TTYH1: variants seen among roughly 807,000 people sequenced by gnomAD.
TTYH1 encodes the protein tweety family member 1, also known as protein tweety homolog 1.
TTYH1 carries 33 observed loss-of-function variants against 61.2 expected under a neutral mutation model. That is an observed-to-expected ratio of 0.54 (90% CI 0.41 to 0.72). The LOEUF is 0.72. TTYH1 is among the 30% of genes least tolerant of loss of function. TTYH1 has a pLI of 0.00. For missense variants in TTYH1, 538 were observed against 575.8 expected, an observed-to-expected ratio of 0.93 and a Z score of 0.67; for synonymous variants, 308 against 266.4, an observed-to-expected ratio of 1.16 and a Z score of -1.52.
Position 54,435,818 on chromosome 19 carries a change from C to T in TTYH1, c.1269-10C>T, listed in dbSNP as rs781574306. The stretch of plus-strand genomic sequence containing the variant: ...CCCGCCTCTCTGCCATGCCCCGCAT[C>T]AAACCCCAGTGACGACTACGATGAC... On this transcript the variant is annotated splice_polypyrimidine_tract_variant and intron_variant, in intron 11 of 13. Coordinates refer to ENST00000376530, the MANE Select transcript of TTYH1 (RefSeq NM_020659.4). 7 of 1,614,006 alleles carry T rather than the reference C, an allele frequency of 4.3e-6. No homozygotes were observed. The highest frequency in any genetic ancestry group is 5.9e-6 in the Non-Finnish European group (7 of 1,179,962).
chr19:54,428,079 GTT>G (rs936820982), intron 5 of TTYH1, among the ~76,000 whole-genome samples: 1,537 of 62,220 alleles, frequency 0.025, 1 homozygote, highest in South Asian at 0.052. Flanking sequence ...TCCCGGCTAA[GTT>G]TTTTTTTTTT....
chr19:54,422,555 G>C (rs2083240928), intron 4 of TTYH1, 145 bp downstream of exon 4: 5 of 671,124 alleles, frequency 7.5e-6, no homozygotes, highest in Non-Finnish European at 1.3e-5. Context: ...GTAGAGCCCA[G>C]GAACTGTTCA....
Position 54,421,961 on chromosome 19 carries a change from C to A in TTYH1, c.418-229C>A, listed in dbSNP as rs2083226236. Among the ~76,000 whole-genome samples the A allele has an allele frequency of 6.6e-6, 1 of 152,152 alleles. No homozygotes were observed. Among genetic ancestry groups the A allele is most frequent in the Admixed American group, 6.5e-5 (1 of 15,278 alleles). ...CTGGGGCTGGACTTACTACCCTGGGCTCAAGCTACCAACCATCCAGAGCTC... is the reference window on the plus strand; with the variant it reads ...CTGGGGCTGGACTTACTACCCTGGGATCAAGCTACCAACCATCCAGAGCTC... On this transcript the variant is annotated intron_variant, in intron 3 of 13. Coordinates refer to ENST00000376530, the MANE Select transcript of TTYH1 (RefSeq NM_020659.4). The surrounding 1 kb of genome is among the most constrained non-coding windows in gnomAD (Gnocchi z 4.8).
rs903936206 is a variant in TTYH1, at chr19:54,419,535, G to A, written c.305+229G>A. The A allele has an allele frequency of 1.4e-6, 1 of 707,124 alleles. No individual in the cohort carries two copies. The highest frequency in any genetic ancestry group is 2.0e-5 in the Admixed American group (1 of 49,820). 43.8% of individuals were successfully genotyped at this position (707,124 alleles called of 1,614,324 possible). A position where few individuals can be genotyped will look rare whatever the true frequency, so the allele number is the denominator to read the frequency against. ...CTGGAGAGGAAGTGAATCAAGGGCA[G>A]CCATCTGGTGAGAAGGCGCAGGGGC... On this transcript the variant is annotated intron_variant, in intron 2 of 13. Coordinates refer to ENST00000376530, the MANE Select transcript of TTYH1 (RefSeq NM_020659.4). This position sits in a 1 kb window ranked among gnomAD's most constrained non-coding sequence, Gnocchi z 6.1.
rs1282251173 is a variant in TTYH1 at position 54,436,641 on chromosome 19, T to C, written c.*351T>C. 5.4e-6 allele frequency: 3 copies of C among 556,932 alleles called. No homozygotes were observed. The Admixed American group carries it at 9.3e-5, about 17-fold the overall frequency. 34.5% of individuals were successfully genotyped at this position (556,932 alleles called of 1,614,324 possible). On this transcript the variant is annotated 3_prime_UTR_variant, in exon 14 of 14. Coordinates refer to ENST00000376530, the MANE Select transcript of TTYH1 (RefSeq NM_020659.4). The surrounding 1 kb of genome is among the most constrained non-coding windows in gnomAD (Gnocchi z 4.3). Reference sequence around the variant, plus strand: ...GCCCCTGCCACATCCCAGTGGGCTCTGACCCCCTGATCTCAACTCGTGGCA... The same window carrying C: ...GCCCCTGCCACATCCCAGTGGGCTCCGACCCCCTGATCTCAACTCGTGGCA...
Position 54,415,582 on chromosome 19 carries a change from A to G in TTYH1, c.30A>G (p.Ser10=). The change falls in exon 1 of 14, where the codon TCA becomes TCG. Residue 10 remains serine, a synonymous_variant. Transcript: ENST00000376530. The surrounding 1 kb of genome is among the most constrained non-coding windows in gnomAD (Gnocchi z 5.2). ...GGGCGCCCCCGGGCTACCGGCCCTC[A>G]GCTTGGGTGCATCTCCTCCACCAGC... is the stretch of plus-strand genomic sequence containing the variant. MGAPPGYRP[S]AWVHLLHQLP... is the part of the protein sequence containing the mutation. 1 of 1,515,696 alleles carries G rather than the reference A, an allele frequency of 6.6e-7. No homozygotes were observed. The highest frequency in any genetic ancestry group is 8.8e-7 in the Non-Finnish European group (1 of 1,138,724). 93.9% of individuals were successfully genotyped at this position (1,515,696 alleles called of 1,614,324 possible). A position where few individuals can be genotyped will look rare whatever the true frequency, so the allele number is the denominator to read the frequency against.
chr19:54,428,280 G>T (rs1032556316), intron 5 of TTYH1, among the ~76,000 whole-genome samples: 4 of 151,660 alleles, frequency 2.6e-5, no homozygotes, highest in African/African-American at 7.3e-5. Flanking sequence ...GTAGAGATGG[G>T]GTTTCTCCAT....
intron 10 of TTYH1, chr19:54,433,666 G>A (rs897589261): frequency 1.3e-5 from 2 of 151,398 alleles, no homozygotes; most frequent in Admixed American, 6.6e-5. Context: ...TTGAGCTCAG[G>A]AGTTCAAGAC....
chr19:54,427,986 C>A (rs2083362796), intron 5 of TTYH1, among the ~76,000 whole-genome samples: 1 of 151,672 alleles, frequency 6.6e-6, no homozygotes, highest in South Asian at 2.1e-4. Flanking sequence ...TCACGGCTCA[C>A]TACAGCCTCT....
chr19:54,435,605 C>T lies in TTYH1; in HGVS notation c.1189C>T (p.Leu397Phe), dbSNP rs2083530751. ...CCTGGAAGGCCTGCTCTTCCTGCTA[C>T]TCTTCTCCCTGCTGTCTGCAGGAGC... ...DALEGLLFLL[L>F]FSLLSAGALA... The change falls in exon 11 of 14, where the codon CTC becomes TTC. Residue 397 changes from leucine to phenylalanine, a missense_variant. By Grantham distance (22) the Leu-to-Phe change is conservative. This residue lies in a region of TTYH1 where 378 missense variants were observed against 401.2 expected (regional missense o/e 0.94). Transcript: ENST00000376530. 6.2e-7 allele frequency: 1 copy of T among 1,611,752 alleles called. No individual in the cohort carries two copies. The highest frequency in any genetic ancestry group is 2.2e-5 in the East Asian group (1 of 44,888).
chr19:54,435,549 G>C lies in TTYH1; in HGVS notation c.1133G>C (p.Gly378Ala). ...LHCRSLHKDY[G>A]AALRGLCEDA... The stretch of plus-strand genomic sequence containing the variant: ...ATGACGCCCTCCCCTCAGGACTATG[G>C]TGCAGCCCTGCGGGGCCTGTGCGAA... The change falls in exon 11 of 14, where the codon GGT (glycine) becomes GCT (alanine). Residue 378 changes from glycine (G) to alanine (A), a missense_variant. By Grantham distance (60) the Gly-to-Ala change is moderately conservative (BLOSUM62 0). Around this residue, in one of 3 missense-constraint regions of TTYH1, gnomAD observed 378 missense variants for 401.2 expected, o/e 0.94. Coordinates refer to ENST00000376530, the MANE Select transcript of TTYH1 (RefSeq NM_020659.4). 1 of 1,601,398 alleles carries C rather than the reference G, an allele frequency of 6.2e-7. No individual in the cohort carries two copies. The highest frequency in any genetic ancestry group is 8.5e-7 in the Non-Finnish European group (1 of 1,176,174).
rs2122865027 is a variant in TTYH1 at position 54,419,809 on chromosome 19, T to C, written c.305+503T>C. ...TCATTCGACAACTGTTTATTGAGTATTTACTATGTGCCAGATACTGACCAA... is the reference window on the plus strand; with the variant it reads ...TCATTCGACAACTGTTTATTGAGTACTTACTATGTGCCAGATACTGACCAA... On this transcript the variant is annotated intron_variant, in intron 2 of 13. Transcript: ENST00000376530. This position sits in a 1 kb window ranked among gnomAD's most constrained non-coding sequence, Gnocchi z 6.1. Among the ~76,000 whole-genome samples the C allele has an allele frequency of 6.6e-6, 1 of 152,268 alleles. No individual in the cohort carries two copies. The highest frequency in any genetic ancestry group is 2.4e-5 in the African/African-American group (1 of 41,532).
In TTYH1 at chr19:54,419,056, C is replaced by T; in HGVS notation, c.127-72C>T. The stretch of plus-strand genomic sequence containing the variant: ...ACATCCCAGACCCCGACCCCCCAGC[C>T]ACGCAGGAAGGGGGATCTGAGTGTG... On this transcript the variant is annotated intron_variant, in intron 1 of 13. Coordinates refer to ENST00000376530, the MANE Select transcript of TTYH1 (RefSeq NM_020659.4). This position sits in a 1 kb window ranked among gnomAD's most constrained non-coding sequence, Gnocchi z 6.1. 6.8e-7 allele frequency: 1 copy of T among 1,473,400 alleles called. No homozygotes were observed. The highest frequency in any genetic ancestry group is 9.2e-7 in the Non-Finnish European group (1 of 1,088,392). The allele number at this position is 1,473,400 out of a possible 1,614,324, so 91.3% of individuals were successfully genotyped here.
Position 54,415,719 on chromosome 19 carries a change from C to G in TTYH1, c.126+41C>G, listed in dbSNP as rs2083062609. On this transcript the variant is annotated intron_variant, in intron 1 of 13. Coordinates refer to ENST00000376530, the MANE Select transcript of TTYH1 (RefSeq NM_020659.4). The surrounding 1 kb of genome is among the most constrained non-coding windows in gnomAD (Gnocchi z 5.2). ...AGGGCCTGGGGGCCAGGGCTGGGGG[C>G]CGGAGCTCCTGGGTCCCGAGGGAGA... The G allele has an allele frequency of 1.3e-6, 2 of 1,491,418 alleles. No individual in the cohort carries two copies. The highest frequency in any genetic ancestry group is 1.8e-6 in the Non-Finnish European group (2 of 1,121,234). The allele number at this position is 1,491,418 out of a possible 1,614,324, so 92.4% of individuals were successfully genotyped here.
chr19:54,436,314 T>C lies in TTYH1; in HGVS notation c.*43-19T>C. 6.2e-7 allele frequency: 1 copy of C among 1,614,012 alleles called. No individual in the cohort carries two copies. The highest frequency in any genetic ancestry group is 8.5e-7 in the Non-Finnish European group (1 of 1,179,994). On this transcript the variant is annotated intron_variant, in intron 13 of 13. Coordinates refer to ENST00000376530, the MANE Select transcript of TTYH1 (RefSeq NM_020659.4). The surrounding 1 kb of genome is among the most constrained non-coding windows in gnomAD (Gnocchi z 4.3). ...CCCTCCAGCCTGCATCACTGCCCTGTCTCTCCCTCTCTCCGCAGTTCCTTC... is the reference window on the plus strand; with the variant it reads ...CCCTCCAGCCTGCATCACTGCCCTGCCTCTCCCTCTCTCCGCAGTTCCTTC...
rs191643169 is a variant in TTYH1, at chr19:54,415,789, G to C, written c.126+111G>C. Reference sequence around the variant, plus strand: ...TTCCTGAGCTCCGCCGGAGGCTGGGGGCCGGCCCGGACTTTGGGGTTTCGG... The same window carrying C: ...TTCCTGAGCTCCGCCGGAGGCTGGGCGCCGGCCCGGACTTTGGGGTTTCGG... On this transcript the variant is annotated intron_variant, in intron 1 of 13. Coordinates refer to ENST00000376530, the MANE Select transcript of TTYH1 (RefSeq NM_020659.4). The surrounding 1 kb of genome is among the most constrained non-coding windows in gnomAD (Gnocchi z 5.2). The C allele has an allele frequency of 2.4e-6, 3 of 1,242,304 alleles. No individual in the cohort carries two copies. Among genetic ancestry groups the C allele is most frequent in the Non-Finnish European group, 3.2e-6 (3 of 935,022 alleles). 77.0% of individuals were successfully genotyped at this position (1,242,304 alleles called of 1,614,324 possible).
At chr19:54,435,793 C>T (rs374921931) in intron 11 of TTYH1, 35 bp from the exon 12 acceptor site, 13 of 1,613,696 alleles carry the variant, frequency 8.1e-6, no homozygotes, top group Non-Finnish European at 1.1e-5. Context: ...GGGTCCCCAT[C>T]CCGCCTCTCT....
Position 54,429,150 on chromosome 19 carries a change from T to C in TTYH1, c.735-157T>C, listed in dbSNP as rs1164070310. On this transcript the variant is annotated intron_variant, in intron 5 of 13. Coordinates refer to ENST00000376530, the MANE Select transcript of TTYH1 (RefSeq NM_020659.4). This position sits in a 1 kb window ranked among gnomAD's most constrained non-coding sequence, Gnocchi z 5.1. ...AGCTGGACATCAGCAGCCACTGGCC[T>C]ACCCCCAACCACTGAACTTGTGTTT... Among the ~76,000 whole-genome samples the C allele has an allele frequency of 6.6e-6, 1 of 152,162 alleles. No homozygotes were observed. Among genetic ancestry groups the C allele is most frequent in the Non-Finnish European group, 1.5e-5 (1 of 68,024 alleles).
At chr19:54,423,249 G>A (rs2083256598) in intron 4 of TTYH1, among the ~76,000 whole-genome samples, 2 of 149,554 alleles carry the variant, frequency 1.3e-5, no homozygotes, top group Admixed American at 1.3e-4. Flanking sequence ...CCAGGCTAGA[G>A]TGCAGCGGTG....
Sources: gnomAD v4.1 joint callset for allele counts (sites outside exome capture counted in the v4.1 genomes callset) on GRCh38, gnomAD v4.1.1 for gene constraint, gnomAD v4.1.1 regional missense constraint, Gnocchi (gnomAD v3.1) non-coding constraint, MANE v1.5 for transcripts, NCBI Gene and HGNC (gene_info 2026-07-23, HGNC 2026-07-21) for gene names.